CTSO: variants seen among roughly 807,000 people sequenced by gnomAD.
CTSO encodes cathepsin O.
CTSO carries 40 observed loss-of-function variants against 42.4 expected under a neutral mutation model. The observed-to-expected ratio is 0.94, with a 90% CI of 0.73 to 1.23. CTSO has a LOEUF of 1.23. CTSO is among the 50% of genes most tolerant of loss of function. The pLI is 0.00. For synonymous variants in CTSO, 156 were observed against 146.2 expected, an observed-to-expected ratio of 1.07 and a Z score of -0.48; for missense variants, 441 against 396.0, an observed-to-expected ratio of 1.11 and a Z score of -0.96.
chr4:155,944,955 T>TAAA (rs34358651), intron 1 of CTSO, among the ~76,000 whole-genome samples: 7 of 117,586 alleles, frequency 6.0e-5, no homozygotes, highest in South Asian at 3.0e-4. Flanking sequence ...TGTGATTGAT[T>TAAA]AAAAAAAAAA....
Position 155,953,733 on chromosome 4 carries a change from G to C in CTSO, c.115C>G (p.Arg39Gly). 2 of 1,271,902 alleles carry C rather than the reference G, an allele frequency of 1.6e-6. No individual in the cohort carries two copies. Among genetic ancestry groups the C allele is most frequent in the Non-Finnish European group, 2.0e-6 (2 of 1,010,098 alleles). The allele number at this position is 1,271,902 out of a possible 1,614,324, so 78.8% of individuals were successfully genotyped here. The part of the protein sequence containing the change: ...FTPTWPRSRE[R>G]EAAAFRESLN... Reference sequence around the variant, plus strand: ...GGTACCCGGAAGGCGGCGGCTTCACGCTCGCGGCTCCGCGGCCAGGTCGGG... The same window carrying C: ...GGTACCCGGAAGGCGGCGGCTTCACCCTCGCGGCTCCGCGGCCAGGTCGGG... The change falls in exon 1 of 8, where the codon CGT becomes GGT. Residue 39 changes from arginine (R) to glycine (G), a missense_variant. Transcript: ENST00000433477.
At chr4:155,926,108 T>C in intron 7 of CTSO, 38 bp from the exon 8 acceptor site, 1 of 1,449,872 alleles carries the variant, frequency 6.9e-7, no homozygotes, top group Non-Finnish European at 9.5e-7. Flanking sequence ...CTATTTCCTC[T>C]TTAGATGCTT....
intron 5 of CTSO, among the ~76,000 whole-genome samples, chr4:155,933,400 C>G (rs778129662): frequency 6.6e-6 from 1 of 152,070 alleles, no homozygotes; most frequent in Non-Finnish European, 1.5e-5. Flanking sequence ...TTCCCAGTCT[C>G]GGGTATGTCT....
chr4:155,929,571 G>T lies in CTSO; in HGVS notation c.809C>A (p.Ala270Glu). The T allele has an allele frequency of 6.2e-7, 1 of 1,613,524 alleles. No individual in the cohort carries two copies. The highest frequency in any genetic ancestry group is 8.5e-7 in the Non-Finnish European group (1 of 1,179,850). The change falls in exon 6 of 8, where the codon GCA (alanine) becomes GAA (glutamate). Residue 270 changes from alanine (A) to glutamate (E), a missense_variant. Coordinates refer to ENST00000433477, the MANE Select transcript of CTSO (RefSeq NM_001334.3). ...HHCSSGEANH[A>E]VLITGFDKTG... Reference sequence around the variant, plus strand: ...TTTATCAAACCCAGTTATGAGAACTGCATGATTTGCTTCTCCACTAGAGCA... The same window carrying T: ...TTTATCAAACCCAGTTATGAGAACTTCATGATTTGCTTCTCCACTAGAGCA...
At chr4:155,947,682 G>T (rs1176892064) in intron 1 of CTSO, among the ~76,000 whole-genome samples, 1 of 151,838 alleles carries the variant, frequency 6.6e-6, no homozygotes, top group East Asian at 1.9e-4. Flanking sequence ...TGACTTTTCC[G>T]GTCTCTCTTG....
rs1176779833 is a variant in CTSO, at chr4:155,925,060, G to A, written c.*976C>T. 1.3e-5 allele frequency: 2 copies of A among 152,148 alleles called. No individual in the cohort carries two copies. The highest frequency in any genetic ancestry group is 2.9e-5 in the Non-Finnish European group (2 of 68,044). The allele number at this position is 152,148 out of a possible 1,614,324, so 9.4% of individuals were successfully genotyped here. ...GAGTGGTGCTTATGAATTAAGGGAG[G>A]AAGAAAGAGGTGAGATCCTAATGTT... On this transcript the variant is annotated 3_prime_UTR_variant, in exon 8 of 8. Coordinates refer to ENST00000433477, the MANE Select transcript of CTSO (RefSeq NM_001334.3).
Position 155,924,339 on chromosome 4 carries a change from C to T in CTSO, c.*1697G>A, listed in dbSNP as rs1351607963. The T allele has an allele frequency of 6.6e-6, 1 of 152,158 alleles. No individual in the cohort carries two copies. Among genetic ancestry groups the T allele is most frequent in the Non-Finnish European group, 1.5e-5 (1 of 68,010 alleles). The allele number at this position is 152,158 out of a possible 1,614,324, so 9.4% of individuals were successfully genotyped here. A position where few individuals can be genotyped will look rare whatever the true frequency, so the allele number is the denominator to read the frequency against. On this transcript the variant is annotated 3_prime_UTR_variant, in exon 8 of 8. Transcript: ENST00000433477. The stretch of plus-strand genomic sequence containing the variant: ...ATTCCAGGATAATAAGAATATTTAT[C>T]AATTAAAAGGTCAATATCTGTCTTC...
intron 1 of CTSO, among the ~76,000 whole-genome samples, chr4:155,948,615 A>G (rs185312411): frequency 1.7e-4 from 26 of 152,328 alleles, no homozygotes; most frequent in Admixed American, 1.3e-3. Context: ...TGATCATAAA[A>G]CAGGATAACT....
Position 155,942,304 on chromosome 4 carries a change from G to C in CTSO, c.384+13C>G, listed in dbSNP as rs79715724. 5.7e-4 allele frequency: 880 copies of C among 1,548,640 alleles called. 4 individuals are homozygous for C. The African/African-American group carries it at 0.011, about 20-fold the overall frequency. On this transcript the variant is annotated intron_variant, in intron 3 of 7. Coordinates refer to ENST00000433477, the MANE Select transcript of CTSO (RefSeq NM_001334.3). ...GCTTAGATGATTAGAAAAGAAGAGGGATTTCAACGTACCATCTGCTGGTTT... is the reference window on the plus strand; with the variant it reads ...GCTTAGATGATTAGAAAAGAAGAGGCATTTCAACGTACCATCTGCTGGTTT...
chr4:155,928,478 T>C (rs201132709), intron 6 of CTSO, 50 bp from the exon 7 acceptor site: 6 of 1,314,428 alleles, frequency 4.6e-6, no homozygotes, highest in Admixed American at 1.8e-5. Context: ...AAATTTGTTA[T>C]GAATGTTTAA....
At chr4:155,929,420 G>C (rs1743190960) in intron 6 of CTSO, 122 bp downstream of exon 6, 2 of 936,960 alleles carry the variant, frequency 2.1e-6, no homozygotes, top group African/African-American at 3.4e-5. Context: ...TTGAGAAGTT[G>C]TGAAGGTCTT....
At chr4:155,950,065 A>G (rs374981177) in intron 1 of CTSO, among the ~76,000 whole-genome samples, 2 of 152,238 alleles carry the variant, frequency 1.3e-5, no homozygotes, top group South Asian at 2.1e-4. Flanking sequence ...AGTATTTTCT[A>G]TACAGTGTAC....
At position 155,953,764 on chromosome 4, in the gene CTSO, G is replaced by C. The variant is rs1743722553; in HGVS notation, c.84C>G (p.Pro28=). The C allele has an allele frequency of 3.8e-6, 5 of 1,320,640 alleles. No individual in the cohort carries two copies. The South Asian group carries it at 8.5e-5, about 23-fold the overall frequency. The allele number at this position is 1,320,640 out of a possible 1,614,324, so 81.8% of individuals were successfully genotyped here. The change falls in exon 1 of 8, where the codon CCC becomes CCG. Residue 28 remains proline, a synonymous_variant. Transcript: ENST00000433477. ...RGGGDADSRA[P]FTPTWPRSRE... ...GGCTCCGCGGCCAGGTCGGGGTGAA[G>C]GGGGCGCGGGAGTCCGCATCGCCGC...
intron 1 of CTSO, among the ~76,000 whole-genome samples, chr4:155,947,973 G>A (rs1411232411): frequency 1.3e-5 from 2 of 152,210 alleles, no homozygotes; most frequent in Non-Finnish European, 2.9e-5. Flanking sequence ...AAGTGCAGAT[G>A]TTTAAAAATT....
Position 155,925,444 on chromosome 4 carries a change from C to T in CTSO, c.*592G>A, listed in dbSNP as rs1201264847. ...TTAACTGAAGCGATTTTGCCCTTTT[C>T]CTTCCTTCTACGTGGTCACTCTGCT... On this transcript the variant is annotated 3_prime_UTR_variant, in exon 8 of 8. Coordinates refer to ENST00000433477, the MANE Select transcript of CTSO (RefSeq NM_001334.3). 1 of 152,156 alleles carries T rather than the reference C, an allele frequency of 6.6e-6. No homozygotes were observed. The highest frequency in any genetic ancestry group is 6.6e-5 in the Admixed American group (1 of 15,266). 9.4% of individuals were successfully genotyped at this position (152,156 alleles called of 1,614,324 possible).
At chr4:155,943,868 A>G (rs1579347022) in intron 1 of CTSO, among the ~76,000 whole-genome samples, 1 of 152,210 alleles carries the variant, frequency 6.6e-6, no homozygotes, top group Admixed American at 6.5e-5. Flanking sequence ...GGGAAATGTG[A>G]CCATTATTTA....
intron 4 of CTSO, among the ~76,000 whole-genome samples, 197 bp downstream of exon 4, chr4:155,939,174 T>A (rs1743383222): frequency 6.6e-6 from 1 of 152,236 alleles, no homozygotes. Context: ...TTTCCCCTTT[T>A]GATTTCTTGA....
chr4:155,930,277 G>A lies in CTSO; in HGVS notation c.675-572C>T, dbSNP rs185854909. ...CATGAGAATCAAGAGACTAACTCAT[G>A]TTAGTCATTGTCAAATATAGAAATT... On this transcript the variant is annotated intron_variant, in intron 5 of 7. Coordinates refer to ENST00000433477, the MANE Select transcript of CTSO (RefSeq NM_001334.3). Among the ~76,000 whole-genome samples, 28 of 152,312 alleles carry A rather than the reference G, an allele frequency of 1.8e-4. No individual in the cohort carries two copies. The East Asian group carries it at 5.2e-3, about 28-fold the overall frequency.
At chr4:155,931,834 A>G (rs923689371) in intron 5 of CTSO, among the ~76,000 whole-genome samples, 6 of 150,824 alleles carry the variant, frequency 4.0e-5, no homozygotes, top group African/African-American at 1.2e-4. Flanking sequence ...TTGATTAATG[A>G]ATTATAATTA....
Sources: allele counts gnomAD v4.1 joint callset (sites outside exome capture counted in the v4.1 genomes callset), GRCh38; gene constraint gnomAD v4.1.1; transcripts MANE v1.5; gene names NCBI Gene and HGNC (gene_info 2026-07-23, HGNC 2026-07-21).